WDR12: variants seen among roughly 807,000 people sequenced by gnomAD.
WDR12 encodes the protein ribosome biogenesis protein WDR12.
A neutral mutation model predicts 64.3 loss-of-function variants in WDR12; 42 were observed. The ratio of observed to expected loss-of-function variants is 0.65; its 90% CI spans 0.51 to 0.84. WDR12 has a LOEUF of 0.84. Among genes scored for constraint, WDR12 ranks in the 40% least tolerant of loss-of-function variants. The pLI is 0.00. For missense variants in WDR12, 469 were observed against 494.6 expected (o/e 0.95, Z 0.49); for synonymous variants, 158 against 173.3 (o/e 0.91, Z 0.70).
rs1273352017 is a variant in WDR12 at position 202,894,588 on chromosome 2, C to A, written c.648G>T (p.Trp216Cys). Residue 216 changes from tryptophan (W) to cysteine (C), a missense_variant, in exon 7 of 13, where the codon TGG (tryptophan) becomes TGT (cysteine). By Grantham distance (215) the Trp-to-Cys change is radical. Transcript: ENST00000261015. ...AATAAATATTTAATTTACCTGTAGA[C>A]CAGATCTTTAGCATCTTATCCCAGG... ...SGSWDKMLKI[W>C]STVPTDEEDE... 6.2e-7 allele frequency: 1 copy of A among 1,604,658 alleles called. No homozygotes were observed. Among genetic ancestry groups the A allele is most frequent in the Non-Finnish European group, 8.5e-7 (1 of 1,176,352 alleles).
intron 4 of WDR12, among the ~76,000 whole-genome samples, chr2:202,898,380 A>G (rs1385210414): frequency 6.6e-6 from 1 of 152,200 alleles, no homozygotes; most frequent in Non-Finnish European, 1.5e-5. Flanking sequence ...CAAACTTCTG[A>G]TCTCAAGTGA....
intron 1 of WDR12, among the ~76,000 whole-genome samples, chr2:202,910,840 C>A (rs544918975): frequency 1.6e-4 from 25 of 152,196 alleles, no homozygotes; most frequent in African/African-American, 6.0e-4. Flanking sequence ...CTAACTTTAG[C>A]TTATTAACAC....
intron 2 of WDR12, among the ~76,000 whole-genome samples, chr2:202,902,400 G>C (rs929504078): frequency 3.3e-5 from 5 of 152,294 alleles, no homozygotes; most frequent in Admixed American, 2.6e-4. Flanking sequence ...TCCTGGGTGT[G>C]TCTGTGAAGG....
Position 202,896,218 on chromosome 2 carries a change from A to G in WDR12, c.456T>C (p.Asp152=), listed in dbSNP as rs369824896. Reference sequence around the variant, plus strand: ...CACTCAATAATAAGCAGGACAAACTATCTGGAGAAAGGAGAACACAAGAAT... The same window carrying G: ...CACTCAATAATAAGCAGGACAAACTGTCTGGAGAAAGGAGAACACAAGAAT... ...VVKDVAWVKK[D]SLSCLLLSAS... The change falls in exon 6 of 13, where the codon GAT becomes GAC. Residue 152 remains aspartate (D), a splice_region_variant and synonymous_variant. Transcript: ENST00000261015. 1.5e-5 allele frequency: 25 copies of G among 1,612,994 alleles called. No homozygotes were observed. In the African/African-American group the frequency reaches 3.2e-4, roughly 21 times the overall value.
rs528268746 is a variant in WDR12, at chr2:202,886,647, A to G, written c.742-2112T>C. ...CCAGGCGTGGTGGTGCATGCCTGTC[A>G]TCCCAGCTACTCAGGAGGCTGAGGC... On this transcript the variant is annotated intron_variant, in intron 8 of 12. Transcript: ENST00000261015. Among the ~76,000 whole-genome samples the G allele has an allele frequency of 2.6e-5, 4 of 151,584 alleles. No homozygotes were observed. The South Asian group carries it at 8.4e-4, about 32-fold the overall frequency.
At chr2:202,886,965 A>G (rs1463149915) in intron 8 of WDR12, among the ~76,000 whole-genome samples, 2 of 152,104 alleles carry the variant, frequency 1.3e-5, no homozygotes, top group Non-Finnish European at 2.9e-5. Flanking sequence ...GACCATACAC[A>G]GTTTCTGTTG....
At chr2:202,883,440 A>AT in intron 11 of WDR12, 169 bp downstream of exon 11, 1 of 829,934 alleles carries the variant, frequency 1.2e-6, no homozygotes, top group Non-Finnish European at 1.8e-6. Flanking sequence ...CTGGCCAAAA[A>AT]TTTTTTTGAT....
At chr2:202,900,127 C>T (rs1389236281) in intron 3 of WDR12, among the ~76,000 whole-genome samples, 1 of 152,002 alleles carries the variant, frequency 6.6e-6, no homozygotes, top group East Asian at 1.9e-4. Flanking sequence ...ATCAGGAGTT[C>T]AAGATGTGCC....
In WDR12 at chr2:202,880,891, T is replaced by G; in HGVS notation, c.1241A>C (p.Tyr414Ser). The G allele has an allele frequency of 1.2e-6, 2 of 1,610,470 alleles. No homozygotes were observed. Among genetic ancestry groups the G allele is most frequent in the Non-Finnish European group, 8.5e-7 (1 of 1,178,274 alleles). Residue 414 changes from tyrosine (Y) to serine (S), a missense_variant, in exon 13 of 13, where the codon TAT becomes TCT. Physicochemically the swap from Tyr to Ser is moderately radical, Grantham distance 144. Transcript: ENST00000261015. ...CCCAACATGGGAAGTGGTAGGTGAA[T>G]ATCTGTAGGAATACAATTTATTGTC... ...GADNKLYSYR[Y>S]SPTTSHVGA
At position 202,899,611 on chromosome 2, in the gene WDR12, C is replaced by T; in HGVS notation, c.258G>A (p.Val86=). The T allele has an allele frequency of 1.9e-6, 3 of 1,613,986 alleles. No homozygotes were observed. Among genetic ancestry groups the T allele is most frequent in the Non-Finnish European group, 2.5e-6 (3 of 1,179,942 alleles). The part of the protein sequence containing the change: ...SSEEVVEIEY[V]EKYTAPQPEQ... ...CTGGCTGGGGTGCAGTATACTTCTC[C>T]ACGTATTCTATTTCCACAACTTCTT... The change falls in exon 4 of 13, where the codon GTG becomes GTA. Residue 86 remains valine (V), a synonymous_variant. Coordinates refer to ENST00000261015, the MANE Select transcript of WDR12 (RefSeq NM_018256.4).
In WDR12 at chr2:202,880,690, C is replaced by CT; in HGVS notation, c.*169dup. ...TTTGTATTTTATAAACACAACCTAT[C>CT]TTATTATAAATACAAAATAAGAAAA... On this transcript the variant is annotated 3_prime_UTR_variant, in exon 13 of 13. Coordinates refer to ENST00000261015, the MANE Select transcript of WDR12 (RefSeq NM_018256.4). 1 of 424,898 alleles carries CT rather than the reference C, an allele frequency of 2.4e-6. No homozygotes were observed. Among genetic ancestry groups the CT allele is most frequent in the Non-Finnish European group, 4.2e-6 (1 of 239,474 alleles). The allele number at this position is 424,898 out of a possible 1,614,324, so 26.3% of individuals were successfully genotyped here. A position where few individuals can be genotyped will look rare whatever the true frequency, so the allele number is the denominator to read the frequency against.
chr2:202,886,497 G>A (rs765366229), intron 8 of WDR12, among the ~76,000 whole-genome samples: 12 of 151,240 alleles, frequency 7.9e-5, no homozygotes, highest in South Asian at 2.1e-4. Flanking sequence ...AGCTGGGTGC[G>A]GTGGCTCACA....
Position 202,877,505 on chromosome 2 carries a change from T to TAAATTAA in WDR12, c.*3348_*3354dup, listed in dbSNP as rs1335125344. On this transcript the variant is annotated 3_prime_UTR_variant, in exon 13 of 13. Coordinates refer to ENST00000261015, the MANE Select transcript of WDR12 (RefSeq NM_018256.4). The stretch of plus-strand genomic sequence containing the variant: ...TCTACAAAAAAAGTAATAATAAAAA[T>TAAATTAA]AAATTAAAAAATAAAAAATAAAAAA... The TAAATTAA allele has an allele frequency of 1.3e-5, 2 of 151,498 alleles. No individual in the cohort carries two copies. Among genetic ancestry groups the TAAATTAA allele is most frequent in the African/African-American group, 4.8e-5 (2 of 41,254 alleles). The allele number at this position is 151,498 out of a possible 1,614,324, so 9.4% of individuals were successfully genotyped here.
At chr2:202,899,460 T>A (rs1688311545) in intron 4 of WDR12, 71 bp downstream of exon 4, 17 of 1,315,024 alleles carry the variant, frequency 1.3e-5, no homozygotes, top group Non-Finnish European at 1.7e-5. Context: ...AATATGTATA[T>A]ATGGATTTAA....
At chr2:202,899,165 C>T (rs2105909693) in intron 4 of WDR12, among the ~76,000 whole-genome samples, 1 of 150,850 alleles carries the variant, frequency 6.6e-6, no homozygotes, top group East Asian at 2.0e-4. Flanking sequence ...GCCTCAGCCT[C>T]CCAAGTAGCG....
At chr2:202,902,950 G>A (rs754836964) in intron 2 of WDR12, among the ~76,000 whole-genome samples, 6 of 151,986 alleles carry the variant, frequency 3.9e-5, no homozygotes, top group Non-Finnish European at 7.4e-5. Context: ...GTGGTGGCAC[G>A]CGCCTGTAAT....
At position 202,899,032 on chromosome 2, in the gene WDR12, G is replaced by GTTTTTTT. The variant is rs779419072; in HGVS notation, c.338+492_338+498dup. ...GAGTACCTATTAATAAATACCTGTG[G>GTTTTTTT]TTTTTTTTTTTTTTTTTTTTTTTTT... is the stretch of plus-strand genomic sequence containing the variant. On this transcript the variant is annotated intron_variant, in intron 4 of 12. Transcript: ENST00000261015. 1.2e-3 allele frequency among the ~76,000 whole-genome samples: 86 copies of GTTTTTTT among 73,680 alleles called. 13 individuals are homozygous for GTTTTTTT. The highest frequency in any genetic ancestry group is 4.5e-3 in the African/African-American group (84 of 18,518). The allele number at this position is 73,680 out of a possible 152,430, so 48.3% of individuals were successfully genotyped here. A position where few individuals can be genotyped will look rare whatever the true frequency, so the allele number is the denominator to read the frequency against.
At chr2:202,908,877 GA>G (rs1688511693) in intron 1 of WDR12, among the ~76,000 whole-genome samples, 1 of 152,094 alleles carries the variant, frequency 6.6e-6, no homozygotes, top group African/African-American at 2.4e-5. Flanking sequence ...ACTATATTAA[GA>G]ACACTTACAA....
At chr2:202,881,908 T>C (rs1179505439) in intron 12 of WDR12, among the ~76,000 whole-genome samples, 1 of 151,626 alleles carries the variant, frequency 6.6e-6, no homozygotes, top group African/African-American at 2.4e-5. Context: ...GAAAAAAAAA[T>C]GCTCCAAAAT....
Sources: gnomAD v4.1 joint callset for allele counts (sites outside exome capture counted in the v4.1 genomes callset) on GRCh38, gnomAD v4.1.1 for gene constraint, MANE v1.5 for transcripts, NCBI Gene and HGNC (gene_info 2026-07-23, HGNC 2026-07-21) for gene names.